The following CBLL1 variants were observed in gnomAD, a reference collection of about 807,000 sequenced individuals.
The protein encoded by CBLL1 is E3 ubiquitin-protein ligase Hakai.
In CBLL1, 4 loss-of-function variants were observed where a neutral mutation model predicts 44.9. The observed-to-expected ratio is 0.09, with a 90% confidence interval of 0.04 to 0.20. The LOEUF is 0.20. CBLL1 is among the 10% of genes least tolerant of loss of function. The probability of loss-of-function intolerance (pLI) is 1.00; values close to 1 mark genes in which losing one functional copy is unlikely to be tolerated. For missense variants in CBLL1, 569 were observed against 636.7 expected (o/e 0.89, Z 1.14); for synonymous variants, 235 against 202.2 (o/e 1.16, Z -1.38).
chr7:107,746,841 A>G (rs1419388614), intron 1 of CBLL1, among the ~76,000 whole-genome samples: 1 of 152,254 alleles, frequency 6.6e-6, no homozygotes, highest in Admixed American at 6.5e-5. Context: ...TCTAAGAATT[A>G]GCACTTCTGT....
At chr7:107,744,246 C>T in intron 1 of CBLL1, 70 bp downstream of exon 1, 1 of 1,475,082 alleles carries the variant, frequency 6.8e-7, no homozygotes, top group Non-Finnish European at 9.1e-7. Context: ...GGTCGCACAG[C>T]AGGCAAAAGG....
rs1267609063 is a variant in CBLL1 at position 107,760,834 on chromosome 7, C to G, written c.*1656C>G. On this transcript the variant is annotated 3_prime_UTR_variant, in exon 6 of 6. Coordinates refer to ENST00000440859, the MANE Select transcript of CBLL1 (RefSeq NM_024814.4). ...TCAGATGCAAAATCATTTCTGAACC[C>G]TAGAGCAGAAGTTAGAAATAACAAA... 1.3e-5 allele frequency: 2 copies of G among 152,068 alleles called. No homozygotes were observed. Among genetic ancestry groups the G allele is most frequent in the African/African-American group, 4.8e-5 (2 of 41,404 alleles). The allele number at this position is 152,068 out of a possible 1,614,324, so 9.4% of individuals were successfully genotyped here.
At chr7:107,744,204 C>G (rs761101274) in intron 1 of CBLL1, 28 bp downstream of exon 1, 7 of 1,541,006 alleles carry the variant, frequency 4.5e-6, no homozygotes, top group South Asian at 2.4e-5. Flanking sequence ...GTGGGGGTCC[C>G]GGTTCCAAGC....
intron 2 of CBLL1, chr7:107,749,355 C>A: frequency 5.5e-6 from 1 of 180,644 alleles, no homozygotes; most frequent in Non-Finnish European, 1.1e-5. Flanking sequence ...CTTTTTTATA[C>A]AAAAGTATTA....
chr7:107,754,632 G>C (rs887358826), intron 4 of CBLL1, among the ~76,000 whole-genome samples: 1 of 152,134 alleles, frequency 6.6e-6, no homozygotes, highest in African/African-American at 2.4e-5. Context: ...ATTTAAAAAT[G>C]TGCTTCTAAC....
At position 107,758,821 on chromosome 7, in the gene CBLL1, A is replaced by G. The variant is rs148276066; in HGVS notation, c.1119A>G (p.Pro373=). The G allele has an allele frequency of 2.5e-6, 4 of 1,612,992 alleles. No homozygotes were observed. The highest frequency in any genetic ancestry group is 1.7e-5 in the Admixed American group (1 of 59,874). The part of the protein sequence containing the change: ...GTPHLVYSQA[P]PPPMTSAPPP... ...CTCACTTGGTATATAGCCAAGCTCCACCTCCACCAATGACCTCTGCTCCAC... is the reference window on the plus strand; with the variant it reads ...CTCACTTGGTATATAGCCAAGCTCCGCCTCCACCAATGACCTCTGCTCCAC... The change falls in exon 6 of 6, where the codon CCA becomes CCG. Residue 373 remains proline, a synonymous_variant. Coordinates refer to ENST00000440859, the MANE Select transcript of CBLL1 (RefSeq NM_024814.4). The surrounding 1 kb of genome is among the most constrained non-coding windows in gnomAD (Gnocchi z 4.2).
chr7:107,748,962 C>T lies in CBLL1; in HGVS notation c.96C>T (p.Ser32=). 6.2e-7 allele frequency: 1 copy of T among 1,614,136 alleles called. No homozygotes were observed. The highest frequency in any genetic ancestry group is 1.1e-5 in the South Asian group (1 of 91,074). ...GACGAATTCCTATAAAGCTCATCTC[C>T]AAACAAGCAAACAAAGCGAAACCTG... is the stretch of plus-strand genomic sequence containing the variant. ...VRRRIPIKLI[S]KQANKAKPAP... Residue 32 remains serine (S), a synonymous_variant, in exon 2 of 6, where the codon TCC becomes TCT. Transcript: ENST00000440859.
At chr7:107,755,775 G>A (rs1403022357) in intron 5 of CBLL1, among the ~76,000 whole-genome samples, 1 of 152,128 alleles carries the variant, frequency 6.6e-6, no homozygotes, top group Non-Finnish European at 1.5e-5. Context: ...CATTAAAGAA[G>A]TATTAAGATA....
intron 1 of CBLL1, 37 bp from the exon 2 acceptor site, chr7:107,748,843 A>G: frequency 6.5e-7 from 1 of 1,539,692 alleles, no homozygotes; most frequent in South Asian, 1.3e-5. Context: ...TAAAAAGAAA[A>G]ACTAAAAGAA....
At chr7:107,746,438 A>C (rs961229614) in intron 1 of CBLL1, among the ~76,000 whole-genome samples, 3 of 152,126 alleles carry the variant, frequency 2.0e-5, no homozygotes, top group African/African-American at 7.2e-5. Flanking sequence ...AATCTCTTTG[A>C]TGTTTAGTAT....
intron 3 of CBLL1, 135 bp from the exon 4 acceptor site, chr7:107,753,760 T>C: frequency 1.8e-6 from 1 of 545,322 alleles, no homozygotes; most frequent in Non-Finnish European, 3.0e-6. Flanking sequence ...TGGTGGGGAA[T>C]AAATGGAGAT....
rs770201186 is a variant in CBLL1 at position 107,748,987 on chromosome 7, G to C, written c.121G>C (p.Ala41Pro). Residue 41 changes from alanine to proline, a missense_variant, in exon 2 of 6, where the codon GCA (alanine) becomes CCA (proline). Coordinates refer to ENST00000440859, the MANE Select transcript of CBLL1 (RefSeq NM_024814.4). ...CAAACAAGCAAACAAAGCGAAACCTGCACCGCGAACTCAAAGAACTATAAA... is the reference window on the plus strand; with the variant it reads ...CAAACAAGCAAACAAAGCGAAACCTCCACCGCGAACTCAAAGAACTATAAA... ...ISKQANKAKP[A>P]PRTQRTINRM... The C allele has an allele frequency of 1.9e-6, 3 of 1,614,014 alleles. No homozygotes were observed. The highest frequency in any genetic ancestry group is 2.5e-6 in the Non-Finnish European group (3 of 1,180,012).
Position 107,744,170 on chromosome 7 carries a change from C to A in CBLL1, c.7C>A (p.His3Asn). Reference protein sequence around the residue: MDHTDNELQGTNS... With the variant: MDNTDNELQGTNS... ...GTGCTCTGCGAGCCGAATCATGGAT[C>A]ACACTGGTAAGGAGGCGGAGGCAGT... is the stretch of plus-strand genomic sequence containing the variant. The change falls in exon 1 of 6, where the codon CAC becomes AAC. Residue 3 changes from histidine to asparagine, a missense_variant. His to Asn is a moderately conservative substitution (Grantham distance 68). This residue lies in a region of CBLL1 where 209 missense variants were observed against 202.8 expected (regional missense o/e 1.03). Coordinates refer to ENST00000440859, the MANE Select transcript of CBLL1 (RefSeq NM_024814.4). 6.4e-7 allele frequency: 1 copy of A among 1,555,272 alleles called. No homozygotes were observed. Among genetic ancestry groups the A allele is most frequent in the Non-Finnish European group, 8.7e-7 (1 of 1,149,106 alleles).
In CBLL1 at chr7:107,759,017, C is replaced by G; in HGVS notation, c.1315C>G (p.Leu439Val). The G allele has an allele frequency of 6.2e-7, 1 of 1,614,074 alleles. No homozygotes were observed. Among genetic ancestry groups the G allele is most frequent in the Non-Finnish European group, 8.5e-7 (1 of 1,180,016 alleles). ...LPQFTEDQGT[L>V]SPPFTQPGGM... ...CCAGTTCACTGAAGATCAAGGAACTCTGAGCCCTCCATTTACACAACCAGG... is the reference window on the plus strand; with the variant it reads ...CCAGTTCACTGAAGATCAAGGAACTGTGAGCCCTCCATTTACACAACCAGG... The change falls in exon 6 of 6, where the codon CTG becomes GTG. Residue 439 changes from leucine (L) to valine (V), a missense_variant. By Grantham distance (32) the Leu-to-Val change is conservative (BLOSUM62 1). This residue lies in a region of CBLL1 where 228 missense variants were observed against 253.2 expected (regional missense o/e 0.90). Transcript: ENST00000440859.
chr7:107,748,274 T>C (rs1793106057), intron 1 of CBLL1, among the ~76,000 whole-genome samples: 1 of 152,214 alleles, frequency 6.6e-6, no homozygotes, highest in Non-Finnish European at 1.5e-5. Flanking sequence ...ACAAATACAT[T>C]ATTGCATGTT....
rs1793650349 is a variant in CBLL1, at chr7:107,758,869, A to G, written c.1167A>G (p.Gly389=). Reference sequence around the variant, plus strand: ...CACCACCAATAACCCCTCCCCCTGGACATATTATTGCCCAGATGCCACCTT... The same window carrying G: ...CACCACCAATAACCCCTCCCCCTGGGCATATTATTGCCCAGATGCCACCTT... ...SAPPPITPPP[G]HIIAQMPPYM... The change falls in exon 6 of 6, where the codon GGA becomes GGG. Residue 389 remains glycine (G), a synonymous_variant. Coordinates refer to ENST00000440859, the MANE Select transcript of CBLL1 (RefSeq NM_024814.4). The surrounding 1 kb of genome is among the most constrained non-coding windows in gnomAD (Gnocchi z 4.2). 3.1e-6 allele frequency: 5 copies of G among 1,613,816 alleles called. No homozygotes were observed. The highest frequency in any genetic ancestry group is 4.2e-6 in the Non-Finnish European group (5 of 1,179,956).
Position 107,758,260 on chromosome 7 carries a change from C to T in CBLL1, c.558C>T (p.Ile186=). 1.2e-6 allele frequency: 2 copies of T among 1,614,098 alleles called. No homozygotes were observed. Among genetic ancestry groups the T allele is most frequent in the East Asian group, 2.2e-5 (1 of 44,882 alleles). Reference sequence around the variant, plus strand: ...CTCAGAGAGACTTACAGGCTCATATCAACCATCGCCATATGAGAGCTGGAA... The same window carrying T: ...CTCAGAGAGACTTACAGGCTCATATTAACCATCGCCATATGAGAGCTGGAA... ...YLSQRDLQAH[I]NHRHMRAGKP... The change falls in exon 6 of 6, where the codon ATC becomes ATT. Residue 186 remains isoleucine (I), a synonymous_variant. Transcript: ENST00000440859. The surrounding 1 kb of genome is among the most constrained non-coding windows in gnomAD (Gnocchi z 4.2).
At position 107,759,380 on chromosome 7, in the gene CBLL1, A is replaced by T; in HGVS notation, c.*202A>T. 1 of 462,474 alleles carries T rather than the reference A, an allele frequency of 2.2e-6. No individual in the cohort carries two copies. Among genetic ancestry groups the T allele is most frequent in the South Asian group, 5.2e-5 (1 of 19,280 alleles). The allele number at this position is 462,474 out of a possible 1,614,324, so 28.6% of individuals were successfully genotyped here. ...ATACTGTAGTACAGATAAGTGGCTC[A>T]GTTGAGCACAGCTATATTTTAACAT... On this transcript the variant is annotated 3_prime_UTR_variant, in exon 6 of 6. Coordinates refer to ENST00000440859, the MANE Select transcript of CBLL1 (RefSeq NM_024814.4).
Position 107,758,082 on chromosome 7 carries a change from A to T in CBLL1, c.441-61A>T. On this transcript the variant is annotated intron_variant, in intron 5 of 5. Coordinates refer to ENST00000440859, the MANE Select transcript of CBLL1 (RefSeq NM_024814.4). The surrounding 1 kb of genome is among the most constrained non-coding windows in gnomAD (Gnocchi z 4.2). ...ATTTTAAAAACAAGCATATTTTTGA[A>T]AATTACATAATTTTTTGTATTCTCT... 2 of 1,450,996 alleles carry T rather than the reference A, an allele frequency of 1.4e-6. No homozygotes were observed. The highest frequency in any genetic ancestry group is 1.9e-6 in the Non-Finnish European group (2 of 1,080,434). 89.9% of individuals were successfully genotyped at this position (1,450,996 alleles called of 1,614,324 possible).
Sources: allele counts gnomAD v4.1 joint callset (sites outside exome capture counted in the v4.1 genomes callset), GRCh38; gene constraint gnomAD v4.1.1; regional missense constraint gnomAD v4.1.1; non-coding constraint Gnocchi (gnomAD v3.1); transcripts MANE v1.5; gene names NCBI Gene and HGNC (gene_info 2026-07-23, HGNC 2026-07-21).